Variants in ADGRV1 observed in about 807,000 individuals in gnomAD.
The protein encoded by ADGRV1 is G-protein coupled receptor 98.
A neutral mutation model predicts 596.2 loss-of-function variants in ADGRV1; 359 were observed. That is an observed-to-expected ratio of 0.60 (90% CI 0.55 to 0.66). ADGRV1 has a LOEUF of 0.66. Among genes scored for constraint, ADGRV1 ranks in the 30% least tolerant of loss-of-function variants. The pLI, the probability that ADGRV1 is intolerant of heterozygous loss-of-function variation, is 0.00. For missense variants in ADGRV1, 7,274 were observed against 7,575.6 expected, an observed-to-expected ratio of 0.96 and a Z score of 1.48; for synonymous variants, 2,681 against 2,679.2, an observed-to-expected ratio of 1.00 and a Z score of -0.02.
chr5:90,885,506 TAAAGTGA>T (rs929593117), intron 83 of ADGRV1, among the ~76,000 whole-genome samples: 3 of 152,170 alleles, frequency 2.0e-5, no homozygotes, highest in African/African-American at 7.2e-5. Context: ...AACCTCCAGT[TAAAGTGA>T]AAATCTGTGG....
At chr5:90,575,570 C>G (rs1315517744) in intron 1 of ADGRV1, among the ~76,000 whole-genome samples, 3 of 152,162 alleles carry the variant, frequency 2.0e-5, no homozygotes, top group Non-Finnish European at 1.5e-5. Flanking sequence ...CTTACCTTGC[C>G]TTCATTTTCC....
At chr5:90,967,052 T>C (rs1231242616) in intron 84 of ADGRV1, among the ~76,000 whole-genome samples, 1 of 152,138 alleles carries the variant, frequency 6.6e-6, no homozygotes, top group Non-Finnish European at 1.5e-5. Flanking sequence ...GGTGGTATTA[T>C]GAGAGAATAC....
chr5:91,067,534 C>T (rs1787991713), intron 85 of ADGRV1, among the ~76,000 whole-genome samples: 1 of 152,144 alleles, frequency 6.6e-6, no homozygotes, highest in African/African-American at 2.4e-5. Context: ...TCCAACCTCC[C>T]AAAGGTTCAC....
intron 85 of ADGRV1, among the ~76,000 whole-genome samples, chr5:91,062,885 A>C (rs1180542879): frequency 3.3e-5 from 5 of 151,868 alleles, no homozygotes; most frequent in Non-Finnish European, 7.4e-5. Context: ...AGAGATGTAA[A>C]GATTAACTAG....
chr5:90,690,166 C>G (rs1746284668), intron 30 of ADGRV1, 90 bp downstream of exon 30: 2 of 739,948 alleles, frequency 2.7e-6, no homozygotes, highest in South Asian at 3.7e-5. Flanking sequence ...CAGAATTGAT[C>G]TGATCATGCT....
intron 85 of ADGRV1, among the ~76,000 whole-genome samples, chr5:91,011,607 T>A (rs1411978097): frequency 6.6e-6 from 1 of 151,996 alleles, no homozygotes; most frequent in Non-Finnish European, 1.5e-5. Flanking sequence ...ATCCAACATC[T>A]CTAATCTATA....
In ADGRV1 at chr5:90,721,068, C is replaced by A; in HGVS notation, c.9748+9C>A. The A allele has an allele frequency of 1.2e-6, 2 of 1,606,710 alleles. No homozygotes were observed. The highest frequency in any genetic ancestry group is 1.1e-5 in the South Asian group (1 of 89,674). On this transcript the variant is annotated intron_variant, in intron 45 of 89. Coordinates refer to ENST00000405460, the MANE Select transcript of ADGRV1 (RefSeq NM_032119.4). The stretch of plus-strand genomic sequence containing the variant: ...AACAGCCTTTGGCATGAGTATGTTT[C>A]ATTTCTTATGAGAACAAAATTCTGT...
intron 20 of ADGRV1, 110 bp downstream of exon 20, chr5:90,654,062 T>C (rs377171180): frequency 8.3e-6 from 9 of 1,088,322 alleles, no homozygotes; most frequent in African/African-American, 7.9e-5. Flanking sequence ...ACTCTACTTA[T>C]GCATTGGTTT....
rs1409751908 is a variant in ADGRV1, at chr5:90,694,226, A to G, written c.7470A>G (p.Ala2490=). The change falls in exon 33 of 90, where the codon GCA becomes GCG. Residue 2490 remains alanine, a synonymous_variant. Coordinates refer to ENST00000405460, the MANE Select transcript of ADGRV1 (RefSeq NM_032119.4). ...WTYRKNMTRV[A]SLFSGQAVAG... ...ACAGGAAAAACATGACCAGGGTAGC[A>G]TCTCTTTTTAGTGGTCAGGCTGTGG... is the stretch of plus-strand genomic sequence containing the variant. 10 of 1,613,808 alleles carry G rather than the reference A, an allele frequency of 6.2e-6. No individual in the cohort carries two copies. The highest frequency in any genetic ancestry group is 8.5e-6 in the Non-Finnish European group (10 of 1,179,862).
chr5:90,916,459 A>G (rs4916831), intron 83 of ADGRV1, among the ~76,000 whole-genome samples: 67,926 of 151,710 alleles, frequency 0.45, 15,544 homozygotes, highest in East Asian at 0.66. Context: ...GATGAGGCCC[A>G]GGCATTGAAT....
At chr5:90,825,164 T>G (rs923670886) in intron 76 of ADGRV1, among the ~76,000 whole-genome samples, 2 of 152,152 alleles carry the variant, frequency 1.3e-5, no homozygotes, top group East Asian at 3.9e-4. Context: ...CTGGAACTTA[T>G]AGCCTCAAGC....
chr5:90,860,349 G>A (rs1767437102), intron 82 of ADGRV1, among the ~76,000 whole-genome samples: 1 of 151,610 alleles, frequency 6.6e-6, no homozygotes, highest in Non-Finnish European at 1.5e-5. Flanking sequence ...TGCCCAGGCT[G>A]GAGTGCAATG....
At chr5:90,597,066 C>G (rs1203061485) in intron 1 of ADGRV1, among the ~76,000 whole-genome samples, 1 of 152,162 alleles carries the variant, frequency 6.6e-6, no homozygotes, top group Non-Finnish European at 1.5e-5. Flanking sequence ...GGAGGTTACA[C>G]TTAGTTTTGG....
chr5:91,160,642 T>C (rs1214860068), intron 89 of ADGRV1, among the ~76,000 whole-genome samples: 2 of 152,192 alleles, frequency 1.3e-5, no homozygotes, highest in Non-Finnish European at 2.9e-5. Context: ...TCTTAAACTT[T>C]TGGTTTGAAA....
rs148640589 is a variant in ADGRV1, at chr5:90,909,624, GAA to G, written c.17856+45774_17856+45775del. Among the ~76,000 whole-genome samples the G allele has an allele frequency of 6.6e-3, 690 of 105,028 alleles. 3 individuals carry two copies. The highest frequency in any genetic ancestry group is 0.019 in the African/African-American group (638 of 33,282). 68.9% of individuals were successfully genotyped at this position (105,028 alleles called of 152,430 possible). ...AAAACTTTGTGAGAATACGCAAAAAGAAAAAAAAGAGAGAGAGAGACAGAGAG... is the reference window on the plus strand; with the variant it reads ...AAAACTTTGTGAGAATACGCAAAAAGAAAAAAGAGAGAGAGAGACAGAGAG... On this transcript the variant is annotated intron_variant, in intron 83 of 89. Coordinates refer to ENST00000405460, the MANE Select transcript of ADGRV1 (RefSeq NM_032119.4).
At chr5:90,784,178 T>G in intron 67 of ADGRV1, 121 bp downstream of exon 67, 1 of 683,962 alleles carries the variant, frequency 1.5e-6, no homozygotes, top group East Asian at 2.7e-5. Flanking sequence ...ATTAATTATC[T>G]TGTATGTGTA....
Position 90,645,998 on chromosome 5 carries a change from A to T in ADGRV1, c.2929A>T (p.Ile977Phe). ...AGAAGAAATGGAAGAATTTACCGTT[A>T]TCCTACTGAATGGCACTGGAGGAGC... The part of the protein sequence containing the change: ...IPEEMEEFTV[I>F]LLNGTGGAKV... Residue 977 changes from isoleucine to phenylalanine, a missense_variant, in exon 16 of 90, where the codon ATC becomes TTC. Ile to Phe is a conservative substitution (Grantham distance 21). Transcript: ENST00000405460. 1 of 1,602,206 alleles carries T rather than the reference A, an allele frequency of 6.2e-7. No individual in the cohort carries two copies. The highest frequency in any genetic ancestry group is 8.5e-7 in the Non-Finnish European group (1 of 1,173,596).
intron 1 of ADGRV1, among the ~76,000 whole-genome samples, chr5:90,595,814 C>G (rs556979502): frequency 7.1e-6 from 1 of 141,712 alleles, no homozygotes; most frequent in Admixed American, 6.9e-5. Flanking sequence ...CCCTCCCGGA[C>G]GGGGCAGCTG....
At chr5:91,044,571 G>A (rs1340734267) in intron 85 of ADGRV1, among the ~76,000 whole-genome samples, 3 of 152,048 alleles carry the variant, frequency 2.0e-5, no homozygotes, top group Non-Finnish European at 4.4e-5. Flanking sequence ...GGGTAAAATA[G>A]CCAAAGGTTG....
Sources: gnomAD v4.1 joint callset for allele counts (sites outside exome capture counted in the v4.1 genomes callset) on GRCh38, gnomAD v4.1.1 for gene constraint, MANE v1.5 for transcripts, NCBI Gene and HGNC (gene_info 2026-07-23, HGNC 2026-07-21) for gene names.